CTNNA2: variants seen among roughly 807,000 people sequenced by gnomAD.
CTNNA2 encodes the protein catenin alpha-2.
A neutral mutation model predicts 101.0 loss-of-function variants in CTNNA2; 42 were observed. That is an observed-to-expected ratio of 0.42 (90% confidence interval 0.32 to 0.54). The LOEUF (loss-of-function observed/expected upper bound fraction) is 0.54. Among genes scored for constraint, CTNNA2 ranks in the 20% least tolerant of loss-of-function variants. The pLI, the probability that CTNNA2 is intolerant of heterozygous loss-of-function variation, is 0.14. For synonymous variants in CTNNA2, 450 were observed against 456.4 expected (o/e 0.99, Z 0.18); for missense variants, 871 against 1,223.1 (o/e 0.71, Z 4.29).
At chr2:79,942,586 A>G (rs1050665479) in intron 7 of CTNNA2, among the ~76,000 whole-genome samples, 12 of 152,174 alleles carry the variant, frequency 7.9e-5, no homozygotes, top group African/African-American at 2.7e-4. Context: ...AGTGTGCCAA[A>G]TGAGGAGGTC....
chr2:79,315,023 C>T (rs529158637), intron 3 of CTNNA2, among the ~76,000 whole-genome samples: 62 of 152,256 alleles, frequency 4.1e-4, no homozygotes, highest in African/African-American at 1.4e-3. Context: ...CAGAGAAAAA[C>T]AAAAGGATGA....
intron 7 of CTNNA2, among the ~76,000 whole-genome samples, chr2:79,951,417 A>G (rs1368690517): frequency 6.6e-6 from 1 of 152,202 alleles, no homozygotes; most frequent in Admixed American, 6.5e-5. Flanking sequence ...CTGTAATGCC[A>G]GCACTTTCGG....
chr2:80,199,838 C>G (rs978401945), intron 7 of CTNNA2, among the ~76,000 whole-genome samples: 5 of 152,200 alleles, frequency 3.3e-5, no homozygotes, highest in African/African-American at 4.8e-5. Context: ...GGGCTATTAG[C>G]TCCTGACCTA....
At chr2:79,187,439 A>T (rs1474348019) in intron 1 of CTNNA2, among the ~76,000 whole-genome samples, 1 of 151,364 alleles carries the variant, frequency 6.6e-6, no homozygotes, top group African/African-American at 2.4e-5. Context: ...AGTAGCTGGG[A>T]CCACAAGGAC....
chr2:79,896,669 G>T (rs889684761), intron 6 of CTNNA2, among the ~76,000 whole-genome samples: 1 of 152,138 alleles, frequency 6.6e-6, no homozygotes, highest in African/African-American at 2.4e-5. Context: ...GTGCACACAG[G>T]CGCACTGCTG....
intron 7 of CTNNA2, among the ~76,000 whole-genome samples, chr2:80,079,319 T>C (rs1573013956): frequency 6.6e-6 from 1 of 151,404 alleles, no homozygotes; most frequent in Admixed American, 6.6e-5. Context: ...TAGAAGGAGG[T>C]AGGTGGAGTG....
intron 3 of CTNNA2, among the ~76,000 whole-genome samples, chr2:79,313,237 T>G (rs1284019509): frequency 6.6e-6 from 1 of 152,190 alleles, no homozygotes; most frequent in Admixed American, 6.5e-5. Flanking sequence ...TGTAATAATT[T>G]GGACTGAACT....
chr2:79,998,992 G>A (rs1313525507), intron 7 of CTNNA2, among the ~76,000 whole-genome samples: 2 of 151,944 alleles, frequency 1.3e-5, no homozygotes, highest in East Asian at 3.9e-4. Context: ...AGGGATTGAA[G>A]ACAATAGAAG....
At chr2:79,998,754 T>A (rs1692725939) in intron 7 of CTNNA2, among the ~76,000 whole-genome samples, 1 of 152,186 alleles carries the variant, frequency 6.6e-6, no homozygotes, top group Admixed American at 6.5e-5. Flanking sequence ...TATATTAAAA[T>A]TCATACTATT....
intron 7 of CTNNA2, among the ~76,000 whole-genome samples, chr2:80,195,632 G>A (rs1490830541): frequency 1.5e-4 from 20 of 137,640 alleles, no homozygotes; most frequent in African/African-American, 3.9e-4. Context: ...TTTTTTTTTA[G>A]AATAGAAGCA....
intron 13 of CTNNA2, among the ~76,000 whole-genome samples, chr2:80,575,858 T>G (rs1694996198): frequency 6.6e-6 from 1 of 152,172 alleles, no homozygotes; most frequent in Admixed American, 6.6e-5. Context: ...TATCTCGACA[T>G]TTCAAGTAGT....
intron 8 of CTNNA2, among the ~76,000 whole-genome samples, chr2:80,408,653 C>T (rs1322867624): frequency 6.6e-6 from 1 of 152,170 alleles, no homozygotes; most frequent in Non-Finnish European, 1.5e-5. Flanking sequence ...ATAAAACATC[C>T]AGGCATCTGA....
At chr2:79,717,104 G>T (rs1686159297) in intron 2 of CTNNA2, among the ~76,000 whole-genome samples, 1 of 152,164 alleles carries the variant, frequency 6.6e-6, no homozygotes, top group South Asian at 2.1e-4. Context: ...ATTTCTATTT[G>T]TGTATGAGCC....
chr2:79,780,661 T>G (rs542130320), intron 3 of CTNNA2, among the ~76,000 whole-genome samples: 2 of 152,212 alleles, frequency 1.3e-5, no homozygotes, highest in East Asian at 3.9e-4. Context: ...CTAAGGAGGG[T>G]AAGGCATTAG....
chr2:80,166,600 A>G (rs533591272), intron 7 of CTNNA2, among the ~76,000 whole-genome samples: 1 of 152,232 alleles, frequency 6.6e-6, no homozygotes, highest in South Asian at 2.1e-4. Context: ...GTTTTTCTGC[A>G]TTCCGTGAGT....
intron 3 of CTNNA2, among the ~76,000 whole-genome samples, chr2:79,335,320 A>G (rs1166346604): frequency 6.6e-6 from 1 of 152,176 alleles, no homozygotes; most frequent in African/African-American, 2.4e-5. Context: ...CCTAAAGAGA[A>G]CAATACCAAG....
At chr2:80,566,861 A>C (rs983752194) in intron 12 of CTNNA2, among the ~76,000 whole-genome samples, 1 of 152,226 alleles carries the variant, frequency 6.6e-6, no homozygotes, top group African/African-American at 2.4e-5. Flanking sequence ...TATTTGACTT[A>C]GGTTTAGAGA....
At chr2:79,645,967 T>C (rs561509546) in intron 1 of CTNNA2, among the ~76,000 whole-genome samples, 52 of 152,174 alleles carry the variant, frequency 3.4e-4, no homozygotes, top group Non-Finnish European at 6.6e-4. Flanking sequence ...TTCGTGGAGT[T>C]TGATGGCAGT....
At chr2:79,856,240 C>A (rs1027407621) in intron 3 of CTNNA2, among the ~76,000 whole-genome samples, 1 of 152,236 alleles carries the variant, frequency 6.6e-6, no homozygotes. Context: ...TTTCCTTACA[C>A]ACCCACATTC....
Sources: allele counts gnomAD v4.1 joint callset (sites outside exome capture counted in the v4.1 genomes callset), GRCh38; gene constraint gnomAD v4.1.1; transcripts MANE v1.5; gene names NCBI Gene and HGNC (gene_info 2026-07-23, HGNC 2026-07-21).